Variants in PROX1 observed in about 807,000 individuals in gnomAD.
PROX1 encodes the protein prospero homeobox protein 1.
A neutral mutation model predicts 58.8 loss-of-function variants in PROX1; 7 were observed. That is an observed-to-expected ratio of 0.12 (90% CI 0.07 to 0.22). PROX1 has a LOEUF of 0.22. Among genes scored for constraint, PROX1 ranks in the 10% least tolerant of loss-of-function variants. The pLI is 1.00. For synonymous variants in PROX1, 350 were observed against 358.3 expected (o/e 0.98, Z 0.26); for missense variants, 675 against 927.8 (o/e 0.73, Z 3.54).
At position 214,038,915 on chromosome 1, in the gene PROX1, G is replaced by A. The variant is rs1466105461; in HGVS notation, c.*3081G>A. ...ACCGCAAATTATTTTTTCCTCAATTGTTTGAGCAGCATTCGAGTTTTGAAA... is the reference window on the plus strand; with the variant it reads ...ACCGCAAATTATTTTTTCCTCAATTATTTGAGCAGCATTCGAGTTTTGAAA... On this transcript the variant is annotated 3_prime_UTR_variant, in exon 5 of 5. Coordinates refer to ENST00000366958, the MANE Select transcript of PROX1 (RefSeq NM_001270616.2). The A allele has an allele frequency of 1.3e-5, 2 of 152,108 alleles. No homozygotes were observed. Among genetic ancestry groups the A allele is most frequent in the Admixed American group, 6.5e-5 (1 of 15,272 alleles). 9.4% of individuals were successfully genotyped at this position (152,108 alleles called of 1,614,324 possible).
chr1:213,988,848 T>G (rs1040327154), intron 1 of PROX1: 2 of 152,084 alleles, frequency 1.3e-5, no homozygotes, highest in African/African-American at 4.8e-5. Context: ...GTGTACTGTT[T>G]CTGGGGTGTG....
rs956180809 is a variant in PROX1, at chr1:214,036,863, G to T, written c.*1029G>T. 13 of 152,218 alleles carry T rather than the reference G, an allele frequency of 8.5e-5. No homozygotes were observed. Among genetic ancestry groups the T allele is most frequent in the Non-Finnish European group, 2.9e-5 (2 of 68,050 alleles). The allele number at this position is 152,218 out of a possible 1,614,324, so 9.4% of individuals were successfully genotyped here. A position where few individuals can be genotyped will look rare whatever the true frequency, so the allele number is the denominator to read the frequency against. On this transcript the variant is annotated 3_prime_UTR_variant, in exon 5 of 5. Coordinates refer to ENST00000366958, the MANE Select transcript of PROX1 (RefSeq NM_001270616.2). ...TTTGTTGACAGCCATTAGCTGACTT[G>T]ATCGTCATCTCCTAAGAGGAACACA...
At chr1:213,998,319 T>G (rs1481341596) in intron 2 of PROX1, 59 bp downstream of exon 2, 37 of 1,505,470 alleles carry the variant, frequency 2.5e-5, no homozygotes, top group Non-Finnish European at 1.8e-5. Context: ...CCCAAAAGGT[T>G]GGGTTTACAC....
chr1:214,011,860 G>A, intron 4 of PROX1, 145 bp downstream of exon 4: 1 of 606,852 alleles, frequency 1.6e-6, no homozygotes, highest in Non-Finnish European at 2.6e-6. Context: ...GCTGTGATGA[G>A]GAGCTTCCAT....
chr1:214,031,537 T>C (rs1443813496), intron 4 of PROX1, among the ~76,000 whole-genome samples: 1 of 152,144 alleles, frequency 6.6e-6, no homozygotes, highest in Non-Finnish European at 1.5e-5. Flanking sequence ...AGTGACTTGA[T>C]TGACTGTTAC....
At position 214,011,521 on chromosome 1, in the gene PROX1, T is replaced by A; in HGVS notation, c.1834T>A (p.Phe612Ile). The change falls in exon 4 of 5, where the codon TTC becomes ATC. Residue 612 changes from phenylalanine (F) to isoleucine (I), a missense_variant and splice_region_variant. Physicochemically the swap from Phe to Ile is conservative, Grantham distance 21. Coordinates refer to ENST00000366958, the MANE Select transcript of PROX1 (RefSeq NM_001270616.2). ...CCTTTTCAACATTTAAATTTAACAG[T>A]TCAACAGATGCATTACCTCTCAGCT... ...MLKTYFSDVK[F>I]NRCITSQLIK... 1.2e-6 allele frequency: 2 copies of A among 1,607,620 alleles called. No homozygotes were observed. Among genetic ancestry groups the A allele is most frequent in the Non-Finnish European group, 1.7e-6 (2 of 1,176,658 alleles).
At chr1:214,028,765 T>C (rs1166321625) in intron 4 of PROX1, 1 of 152,206 alleles carries the variant, frequency 6.6e-6, no homozygotes, top group African/African-American at 2.4e-5. Flanking sequence ...TCCTGCACCA[T>C]TCCTTCTCTT....
chr1:214,005,477 A>T (rs1212979069), intron 3 of PROX1, among the ~76,000 whole-genome samples: 7 of 152,182 alleles, frequency 4.6e-5, no homozygotes, highest in Non-Finnish European at 1.0e-4. Context: ...TGGTGTTAAT[A>T]AGTTGCATGG....
chr1:213,996,651 C>T lies in PROX1; in HGVS notation c.116C>T (p.Ala39Val). 1 of 1,614,138 alleles carries T rather than the reference C, an allele frequency of 6.2e-7. No individual in the cohort carries two copies. The highest frequency in any genetic ancestry group is 1.1e-5 in the South Asian group (1 of 91,062). ...TCTGCATTTTTTGCTAAGGCAAGAG[C>T]AACGTTTTTTAGTGCCATGAATCCC... ...TASAFFAKAR[A>V]TFFSAMNPQG... Residue 39 changes from alanine (A) to valine (V), a missense_variant, in exon 2 of 5, where the codon GCA (alanine) becomes GTA (valine). Around this residue, in one of 8 missense-constraint regions of PROX1, gnomAD observed 157 missense variants for 197.8 expected, o/e 0.79. Coordinates refer to ENST00000366958, the MANE Select transcript of PROX1 (RefSeq NM_001270616.2).
chr1:213,997,956 G>T lies in PROX1; in HGVS notation c.1421G>T (p.Gly474Val). The change falls in exon 2 of 5, where the codon GGC (glycine) becomes GTC (valine). Residue 474 changes from glycine (G) to valine (V), a missense_variant. By Grantham distance (109) the Gly-to-Val change is moderately radical. This residue lies in a region of PROX1 where 403 missense variants were observed against 477.4 expected (regional missense o/e 0.84). Coordinates refer to ENST00000366958, the MANE Select transcript of PROX1 (RefSeq NM_001270616.2). This position sits in a 1 kb window ranked among gnomAD's most constrained non-coding sequence, Gnocchi z 7.1. The stretch of plus-strand genomic sequence containing the variant: ...CAGTCGCCTCTCTCTGCCACCACGG[G>T]CTTCACCACGTCCACCTTCCGCCAC... ...LHQSPLSATTGFTTSTFRHPF... is the reference protein window; with the variant it reads ...LHQSPLSATTVFTTSTFRHPF... 1 of 1,613,974 alleles carries T rather than the reference G, an allele frequency of 6.2e-7. No individual in the cohort carries two copies. Among genetic ancestry groups the T allele is most frequent in the Non-Finnish European group, 8.5e-7 (1 of 1,179,912 alleles).
At chr1:213,985,549 C>A (rs1204516256), upstream of PROX1, 1 of 152,252 alleles carries the variant, frequency 6.6e-6, no homozygotes, top group Non-Finnish European at 1.5e-5. Flanking sequence ...GGCAGAGCGT[C>A]GCGAGCCGGG....
intron 1 of PROX1, among the ~76,000 whole-genome samples, chr1:213,993,883 C>T (rs1160828754): frequency 2.0e-5 from 3 of 152,156 alleles, no homozygotes; most frequent in South Asian, 2.1e-4. Context: ...AGATACAAAT[C>T]GTTATTTAAT....
chr1:213,998,398 G>T, intron 2 of PROX1, 138 bp downstream of exon 2: 1 of 1,065,812 alleles, frequency 9.4e-7, no homozygotes, highest in Non-Finnish European at 1.3e-6. Flanking sequence ...AAAGGAATAG[G>T]CTTTTATCAG....
chr1:213,996,092 A>T (rs1349956944), intron 1 of PROX1, among the ~76,000 whole-genome samples: 1 of 152,180 alleles, frequency 6.6e-6, no homozygotes, highest in African/African-American at 2.4e-5. Context: ...AGTATAGAGC[A>T]GTTTCATCTT....
chr1:214,033,233 A>G (rs967079752), intron 4 of PROX1, among the ~76,000 whole-genome samples: 5 of 152,220 alleles, frequency 3.3e-5, no homozygotes, highest in African/African-American at 1.2e-4. Context: ...CTCAAGGAAC[A>G]TAGAATTTCA....
upstream of PROX1, chr1:213,987,362 C>T (rs1438378138): frequency 6.6e-6 from 1 of 151,910 alleles, no homozygotes; most frequent in Admixed American, 6.5e-5. Flanking sequence ...ATCCTTGACA[C>T]TACCTATGAT....
chr1:213,997,012 T>C lies in PROX1; in HGVS notation c.477T>C (p.Asp159=). ...AGTTTGATATGGATCGCTTATGTGA[T>C]GAGCACCTGAGAGCAAAGCGCGCCC... The part of the protein sequence containing the change: ...MSQFDMDRLC[D]EHLRAKRARV... Residue 159 remains aspartate, a synonymous_variant, in exon 2 of 5, where the codon GAT becomes GAC. Transcript: ENST00000366958. The surrounding 1 kb of genome is among the most constrained non-coding windows in gnomAD (Gnocchi z 7.1). 1 of 1,614,070 alleles carries C rather than the reference T, an allele frequency of 6.2e-7. No individual in the cohort carries two copies. Among genetic ancestry groups the C allele is most frequent in the African/African-American group, 1.3e-5 (1 of 75,008 alleles).
At chr1:214,011,777 T>C in intron 4 of PROX1, 62 bp downstream of exon 4, 1 of 1,376,412 alleles carries the variant, frequency 7.3e-7, no homozygotes, top group Non-Finnish European at 9.8e-7. Context: ...ATTTATTTTC[T>C]TTAGAAATGT....
intron 3 of PROX1, among the ~76,000 whole-genome samples, chr1:214,010,182 C>T (rs915911788): frequency 6.6e-6 from 1 of 152,024 alleles, no homozygotes; most frequent in African/African-American, 2.4e-5. Context: ...CTCTTGCAAG[C>T]AGAAGCGATT....
Sources: allele counts gnomAD v4.1 joint callset (sites outside exome capture counted in the v4.1 genomes callset), GRCh38; gene constraint gnomAD v4.1.1; regional missense constraint gnomAD v4.1.1; non-coding constraint Gnocchi (gnomAD v3.1); transcripts MANE v1.5; gene names NCBI Gene and HGNC (gene_info 2026-07-23, HGNC 2026-07-21).